Variants in AFF3 observed in about 807,000 individuals in gnomAD.
AFF3 encodes ALF transcription elongation factor 3, also known as AF4/FMR2 family member 3.
Under a neutral mutation model 129.7 loss-of-function variants are expected in AFF3, and 32 were observed. The observed-to-expected ratio is 0.25, with a 90% confidence interval of 0.19 to 0.33. The LOEUF is 0.33. AFF3 is among the 10% of genes least tolerant of loss of function. The pLI is 1.00. For synonymous variants in AFF3, 644 were observed against 635.4 expected, an observed-to-expected ratio of 1.01 and a Z score of -0.20; for missense variants, 1,373 against 1,592.0, an observed-to-expected ratio of 0.86 and a Z score of 2.34.
At chr2:99,703,211 T>C (rs1677039884) in intron 11 of AFF3, among the ~76,000 whole-genome samples, 1 of 152,202 alleles carries the variant, frequency 6.6e-6, no homozygotes, top group African/African-American at 2.4e-5. Context: ...TTCCAGTTTC[T>C]AGAGGCGGCC....
chr2:99,844,105 G>T (rs1689527063), intron 7 of AFF3, among the ~76,000 whole-genome samples: 1 of 152,002 alleles, frequency 6.6e-6, no homozygotes, highest in Admixed American at 6.6e-5. Flanking sequence ...TTTACTGAAA[G>T]ATACAAAAAA....
chr2:99,720,381 G>A (rs1356390408), intron 11 of AFF3, among the ~76,000 whole-genome samples: 2 of 152,116 alleles, frequency 1.3e-5, no homozygotes, highest in African/African-American at 2.4e-5. Flanking sequence ...GGAAGAGTAG[G>A]TTGTTATAAA....
At chr2:99,927,832 T>A (rs951200282) in intron 7 of AFF3, among the ~76,000 whole-genome samples, 1 of 152,142 alleles carries the variant, frequency 6.6e-6, no homozygotes, top group African/African-American at 2.4e-5. Flanking sequence ...CTGATATGGT[T>A]TGGGTGGTTT....
chr2:99,829,587 C>A (rs1043421757), intron 8 of AFF3, among the ~76,000 whole-genome samples: 4 of 152,212 alleles, frequency 2.6e-5, no homozygotes, highest in African/African-American at 9.6e-5. Context: ...AATGTGATAT[C>A]ATCTTAGGCC....
intron 7 of AFF3, among the ~76,000 whole-genome samples, chr2:99,840,129 G>A (rs953556613): frequency 2.0e-5 from 3 of 151,450 alleles, no homozygotes; most frequent in Non-Finnish European, 3.0e-5. Flanking sequence ...GTTTTTTCAC[G>A]CTCTTGGTAG....
chr2:99,878,091 GA>G (rs760959973), intron 7 of AFF3, among the ~76,000 whole-genome samples: 1 of 151,648 alleles, frequency 6.6e-6, no homozygotes, highest in African/African-American at 2.4e-5. Context: ...GTCCTATGTT[GA>G]AAAAAAATAG....
intron 15 of AFF3, among the ~76,000 whole-genome samples, chr2:99,589,979 G>T (rs1175221840): frequency 6.6e-6 from 1 of 152,220 alleles, no homozygotes; most frequent in Non-Finnish European, 1.5e-5. Flanking sequence ...GGGGAGGCAA[G>T]TGTAGCCTCT....
intron 8 of AFF3, among the ~76,000 whole-genome samples, chr2:99,753,135 C>A (rs953523102): frequency 6.6e-6 from 1 of 152,152 alleles, no homozygotes; most frequent in African/African-American, 2.4e-5. Flanking sequence ...GAGTCTCACT[C>A]TGTTGCTCAG....
intron 11 of AFF3, among the ~76,000 whole-genome samples, chr2:99,685,407 A>T (rs1321769492): frequency 6.6e-6 from 1 of 152,194 alleles, no homozygotes; most frequent in Non-Finnish European, 1.5e-5. Flanking sequence ...ACTCATGGTG[A>T]CACAGAATGT....
At chr2:99,978,313 G>A (rs897830281) in intron 7 of AFF3, among the ~76,000 whole-genome samples, 4 of 152,034 alleles carry the variant, frequency 2.6e-5, no homozygotes, top group Non-Finnish European at 5.9e-5. Flanking sequence ...AAACCCAGCA[G>A]ATACCAAAAG....
At chr2:99,902,705 A>G (rs2106152614) in intron 7 of AFF3, among the ~76,000 whole-genome samples, 1 of 152,308 alleles carries the variant, frequency 6.6e-6, no homozygotes, top group East Asian at 1.9e-4. Context: ...GATTTACTTA[A>G]AGCAGTATTA....
At chr2:100,087,549 CTT>C (rs1396015065) in intron 4 of AFF3, among the ~76,000 whole-genome samples, 1 of 151,866 alleles carries the variant, frequency 6.6e-6, no homozygotes, top group East Asian at 1.9e-4. Context: ...ACTCAAATCT[CTT>C]TTGAGATTTG....
intron 8 of AFF3, among the ~76,000 whole-genome samples, chr2:99,835,604 G>C (rs1304034400): frequency 2.0e-5 from 3 of 152,088 alleles, no homozygotes; most frequent in Admixed American, 6.5e-5. Flanking sequence ...TAGGGAGAGA[G>C]AGTAAAAAGC....
chr2:99,661,716 A>G (rs189177422), intron 12 of AFF3, among the ~76,000 whole-genome samples: 3 of 152,366 alleles, frequency 2.0e-5, no homozygotes, highest in Non-Finnish European at 4.4e-5. Flanking sequence ...ATTAACATGA[A>G]AAAAAGGCAA....
intron 14 of AFF3, among the ~76,000 whole-genome samples, chr2:99,599,290 G>A (rs62154471): frequency 8.6e-5 from 13 of 152,024 alleles, no homozygotes; most frequent in Non-Finnish European, 1.8e-4. Flanking sequence ...ACGGAGTCTC[G>A]CTCTGTCACC....
intron 7 of AFF3, among the ~76,000 whole-genome samples, chr2:99,984,379 C>A (rs750687293): frequency 6.6e-6 from 1 of 152,178 alleles, no homozygotes; most frequent in Non-Finnish European, 1.5e-5. Flanking sequence ...GCTTCCATTT[C>A]CAGTTTTATG....
At chr2:99,878,661 G>T (rs971518462) in intron 7 of AFF3, among the ~76,000 whole-genome samples, 1 of 152,170 alleles carries the variant, frequency 6.6e-6, no homozygotes, top group Non-Finnish European at 1.5e-5. Flanking sequence ...AAATGTAAAT[G>T]TAAGAAGAGG....
At chr2:99,840,619 A>T (rs553585683) in intron 7 of AFF3, among the ~76,000 whole-genome samples, 1 of 152,264 alleles carries the variant, frequency 6.6e-6, no homozygotes, top group East Asian at 1.9e-4. Flanking sequence ...TGTTTTCCCA[A>T]AAGCTTCAGT....
rs146698897 is a variant in AFF3 at position 99,891,632 on chromosome 2, TG to T, written c.874-54109del. The stretch of plus-strand genomic sequence containing the variant: ...GTGACAAATGGAGGACAGCTGCAGA[TG>T]GATGTTTCACCCAACACCAAGCAAG... On this transcript the variant is annotated intron_variant, in intron 7 of 24. Transcript: ENST00000672756. Among the ~76,000 whole-genome samples, 68 of 152,286 alleles carry T rather than the reference TG, an allele frequency of 4.5e-4. 2 individuals are homozygous for T. In the East Asian group the frequency reaches 0.013, roughly 29 times the overall value.
Sources: allele counts gnomAD v4.1 joint callset (sites outside exome capture counted in the v4.1 genomes callset), GRCh38; gene constraint gnomAD v4.1.1; transcripts MANE v1.5; gene names NCBI Gene and HGNC (gene_info 2026-07-23, HGNC 2026-07-21).